The following IFT80 variants were observed in gnomAD, a reference collection of about 807,000 sequenced individuals.
IFT80 encodes intraflagellar transport protein 80 homolog.
In IFT80, 79 loss-of-function variants were observed where a neutral mutation model predicts 107.9. The ratio of observed to expected loss-of-function variants is 0.73; its 90% CI spans 0.61 to 0.88. IFT80 has a LOEUF of 0.88. Ranked by LOEUF, IFT80 falls within the 40% of genes least tolerant of loss-of-function variation. The probability of loss-of-function intolerance (pLI) is 0.00; values close to 1 mark genes in which losing one functional copy is unlikely to be tolerated. For synonymous variants in IFT80, 299 were observed against 300.9 expected (o/e 0.99, Z 0.07); for missense variants, 797 against 914.2 (o/e 0.87, Z 1.65).
chr3:160,398,184 C>A (rs1158702069), intron 1 of IFT80, among the ~76,000 whole-genome samples: 2 of 152,232 alleles, frequency 1.3e-5, no homozygotes, highest in African/African-American at 4.8e-5. Flanking sequence ...ATTGAGTCTA[C>A]GCTTATGCAA....
rs772719666 is a variant in IFT80, at chr3:160,285,897, G to A, written c.1316-29C>T. On this transcript the variant is annotated intron_variant, in intron 12 of 19. Transcript: ENST00000326448. Reference sequence around the variant, plus strand: ...GAAAAAAAGTAGAACATTAATTAATGTGTTATATTAGAATTTTTACTGGTA... The same window carrying A: ...GAAAAAAAGTAGAACATTAATTAATATGTTATATTAGAATTTTTACTGGTA... The A allele has an allele frequency of 9.4e-6, 14 of 1,496,264 alleles. No homozygotes were observed. The South Asian group carries it at 1.4e-4, about 15-fold the overall frequency. The allele number at this position is 1,496,264 out of a possible 1,614,324, so 92.7% of individuals were successfully genotyped here.
chr3:160,365,775 T>G (rs1176581032), intron 6 of IFT80, among the ~76,000 whole-genome samples: 1 of 152,068 alleles, frequency 6.6e-6, no homozygotes, highest in Admixed American at 6.6e-5. Context: ...GAGTGAAGAT[T>G]TGAACCCAAG....
At chr3:160,331,949 G>A (rs1719121627) in intron 8 of IFT80, among the ~76,000 whole-genome samples, 1 of 152,098 alleles carries the variant, frequency 6.6e-6, no homozygotes, top group South Asian at 2.1e-4. Flanking sequence ...AAGCCACCAC[G>A]CCTGGCCTCT....
chr3:160,316,219 G>A (rs1717806344), intron 9 of IFT80, among the ~76,000 whole-genome samples: 1 of 152,084 alleles, frequency 6.6e-6, no homozygotes, highest in Non-Finnish European at 1.5e-5. Flanking sequence ...CACATACAAA[G>A]AACTGAAGGA....
At chr3:160,296,090 T>C (rs1325901676) in intron 12 of IFT80, among the ~76,000 whole-genome samples, 2 of 152,192 alleles carry the variant, frequency 1.3e-5, no homozygotes, top group East Asian at 1.9e-4. Context: ...ATTGTACCTA[T>C]ATTGTATTGT....
At chr3:160,379,660 C>G (rs998175027) in intron 3 of IFT80, among the ~76,000 whole-genome samples, 3 of 152,118 alleles carry the variant, frequency 2.0e-5, no homozygotes, top group Admixed American at 6.6e-5. Context: ...AAAGGACATG[C>G]AGGAATTGTT....
chr3:160,298,543 G>A (rs1014090922), intron 12 of IFT80, among the ~76,000 whole-genome samples: 1 of 152,052 alleles, frequency 6.6e-6, no homozygotes, highest in South Asian at 2.1e-4. Context: ...ATTATCAATG[G>A]ATTAAAGAAT....
chr3:160,285,285 T>C (rs1438203508), intron 13 of IFT80, among the ~76,000 whole-genome samples: 1 of 152,208 alleles, frequency 6.6e-6, no homozygotes, highest in Admixed American at 6.5e-5. Context: ...GACCCTAATA[T>C]ATCAGCAATT....
intron 6 of IFT80, among the ~76,000 whole-genome samples, chr3:160,359,333 T>C (rs1721327136): frequency 1.3e-5 from 2 of 152,214 alleles, no homozygotes; most frequent in Admixed American, 1.3e-4. Context: ...TTCATTTCTA[T>C]AAGCCTAATT....
At chr3:160,292,657 T>G (rs911925345) in intron 12 of IFT80, among the ~76,000 whole-genome samples, 1 of 152,008 alleles carries the variant, frequency 6.6e-6, no homozygotes, top group Non-Finnish European at 1.5e-5. Context: ...TTTTTACATT[T>G]TTAGTAGAGA....
intron 8 of IFT80, among the ~76,000 whole-genome samples, chr3:160,324,779 G>A (rs1426754558): frequency 6.6e-6 from 1 of 152,118 alleles, no homozygotes; most frequent in Non-Finnish European, 1.5e-5. Context: ...GTTCTGGTCA[G>A]GGCAATTAGG....
chr3:160,321,246 G>T (rs916702675), intron 8 of IFT80, among the ~76,000 whole-genome samples: 4 of 151,786 alleles, frequency 2.6e-5, no homozygotes, highest in African/African-American at 9.7e-5. Context: ...ACCTGCTTTG[G>T]GCGATAAAAT....
chr3:160,358,156 T>C (rs7635305), intron 6 of IFT80, among the ~76,000 whole-genome samples: 5,395 of 151,656 alleles, frequency 0.036, 293 homozygotes, highest in African/African-American at 0.11. Flanking sequence ...TACAGGGACA[T>C]GCCACCACAC....
intron 16 of IFT80, among the ~76,000 whole-genome samples, chr3:160,278,283 T>C (rs1354075929): frequency 6.6e-6 from 1 of 152,186 alleles, no homozygotes; most frequent in African/African-American, 2.4e-5. Flanking sequence ...AGCAGCTCCA[T>C]CTTCTCTTTT....
At chr3:160,348,566 G>T (rs574349748) in intron 8 of IFT80, among the ~76,000 whole-genome samples, 4 of 152,120 alleles carry the variant, frequency 2.6e-5, no homozygotes, top group Non-Finnish European at 4.4e-5. Context: ...TACACTTGTC[G>T]TAGCAATTCT....
intron 8 of IFT80, among the ~76,000 whole-genome samples, chr3:160,352,137 C>T (rs1374473304): frequency 6.6e-6 from 1 of 151,730 alleles, no homozygotes; most frequent in East Asian, 1.9e-4. Context: ...TGCCTCAGCA[C>T]CCGCCACCAC....
At position 160,286,120 on chromosome 3, in the gene IFT80, C is replaced by CA. The variant is rs558036209; in HGVS notation, c.1316-253dup. Reference sequence around the variant, plus strand: ...GTATGGCATTAATGCTCCACAGGCTCACAATGGGAAGTCCAAATGTGAATG... The same window carrying CA: ...GTATGGCATTAATGCTCCACAGGCTCAACAATGGGAAGTCCAAATGTGAATG... On this transcript the variant is annotated intron_variant, in intron 12 of 19. Transcript: ENST00000326448. Among the ~76,000 whole-genome samples the CA allele has an allele frequency of 1.3e-4, 20 of 152,260 alleles. No individual in the cohort carries two copies. In the South Asian group the frequency reaches 3.5e-3, roughly 27 times the overall value.
intron 14 of IFT80, 102 bp downstream of exon 14, chr3:160,282,376 G>C (rs75785934): frequency 2.3e-6 from 2 of 858,032 alleles, no homozygotes; most frequent in African/African-American, 3.4e-5. Context: ...AGTATTACAA[G>C]ATCAAAACAT....
At chr3:160,319,571 T>C (rs540369318) in intron 9 of IFT80, among the ~76,000 whole-genome samples, 189 bp downstream of exon 9, 6 of 152,182 alleles carry the variant, frequency 3.9e-5, no homozygotes, top group African/African-American at 1.4e-4. Context: ...GCTTTGGGCA[T>C]TCAGGTTCTA....
Sources: gnomAD v4.1 joint callset for allele counts (sites outside exome capture counted in the v4.1 genomes callset) on GRCh38, gnomAD v4.1.1 for gene constraint, MANE v1.5 for transcripts, NCBI Gene and HGNC (gene_info 2026-07-23, HGNC 2026-07-21) for gene names.